Variants in FGF13 observed in about 807,000 individuals in gnomAD.
FGF13 encodes the protein fibroblast growth factor 13.
FGF13 carries 2 observed loss-of-function variants against 19.5 expected under a neutral mutation model. The ratio of observed to expected loss-of-function variants is 0.10; its 90% confidence interval spans 0.04 to 0.32. The LOEUF (loss-of-function observed/expected upper bound fraction) is 0.32, where lower values mean the gene tolerates loss of function less well. Among genes scored for constraint, FGF13 ranks in the 10% least tolerant of loss-of-function variants. The pLI, the probability that FGF13 is intolerant of heterozygous loss-of-function variation, is 1.00. For synonymous variants in FGF13, 72 were observed against 76.9 expected, an observed-to-expected ratio of 0.94 and a Z score of 0.33; for missense variants, 113 against 192.7, an observed-to-expected ratio of 0.59 and a Z score of 2.45.
At chrX:138,878,866 C>A (rs1423378587) in intron 1 of FGF13, among the ~76,000 whole-genome samples, 1 of 111,886 alleles carries the variant, frequency 8.9e-6, no homozygotes, top group Admixed American at 9.5e-5. Flanking sequence ...GATGGTATCT[C>A]ATTGTGGTTT....
chrX:138,644,540 A>G (rs779632773), intron 3 of FGF13, among the ~76,000 whole-genome samples: 1 of 111,290 alleles, frequency 9.0e-6, no homozygotes, highest in Non-Finnish European at 1.9e-5. Context: ...TTGGCCTCGC[A>G]AAGTGCTGGG....
chrX:138,900,254 G>C (rs115380066), intron 1 of FGF13, among the ~76,000 whole-genome samples: 8,048 of 110,695 alleles, frequency 0.073, 777 homozygotes, highest in African/African-American at 0.25. Flanking sequence ...CAGGGATCCA[G>C]ACAGGATCAT....
At chrX:139,177,537 T>C (rs777145120) in intron 1 of FGF13, among the ~76,000 whole-genome samples, 48 of 111,616 alleles carry the variant, frequency 4.3e-4, no homozygotes, top group Non-Finnish European at 8.1e-4. Flanking sequence ...TACAATTTGG[T>C]ATGTTTTTGC....
chrX:139,135,603 C>T (rs1456157718), intron 1 of FGF13, among the ~76,000 whole-genome samples: 2 of 111,649 alleles, frequency 1.8e-5, no homozygotes, highest in Admixed American at 1.9e-4. Context: ...ATGTGAGGCA[C>T]CTACTGAATT....
intron 1 of FGF13, among the ~76,000 whole-genome samples, chrX:139,033,027 C>CAAAAAAAAAAAAA (rs758766077): frequency 1.1e-4 from 3 of 27,271 alleles, no homozygotes; most frequent in African/African-American, 4.0e-4. Context: ...TCTGATTATC[C>CAAAAAAAAAAAAA]AAAAAAAAAA....
intron 1 of FGF13, among the ~76,000 whole-genome samples, chrX:139,015,994 T>G (rs1433341514): frequency 1.8e-5 from 2 of 111,477 alleles, no homozygotes; most frequent in African/African-American, 3.3e-5. Context: ...GCTGGAAAAC[T>G]GGATATCCAT....
chrX:139,092,421 CAGAGA>C (rs1454019723), intron 1 of FGF13, among the ~76,000 whole-genome samples: 1 of 112,252 alleles, frequency 8.9e-6, no homozygotes, highest in African/African-American at 3.2e-5. Flanking sequence ...TCTTTCTTGT[CAGAGA>C]AAAGTATCGA....
rs1220224329 is a variant in FGF13, at chrX:138,626,232, A to C, written c.*6618T>G. ...AAAGATTGCTCCTTTCCCAGACATC[A>C]CTTGCATACCAGGGGCTCTGCCCCT... On this transcript the variant is annotated 3_prime_UTR_variant, in exon 5 of 5. Transcript: ENST00000315930. 1.8e-5 allele frequency: 2 copies of C among 111,993 alleles called. No homozygotes were observed. The highest frequency in any genetic ancestry group is 9.5e-5 in the Admixed American group (1 of 10,566). 9.2% of individuals were successfully genotyped at this position (111,993 alleles called of 1,213,427 possible).
intron 1 of FGF13, among the ~76,000 whole-genome samples, chrX:139,094,860 C>T (rs62603180): frequency 0.098 from 10,899 of 111,435 alleles, 423 homozygotes; most frequent in South Asian, 0.21. Context: ...TACACAGTGA[C>T]GGGTCTGGAC....
chrX:139,172,150 C>T lies in FGF13; in HGVS notation c.-113+31266G>A, dbSNP rs111984602. On this transcript the variant is annotated intron_variant, in intron 1 of 2. Coordinates refer to the FGF13 transcript ENST00000421460. ...ATTTCTACTTTATTTGCATTAAATT[C>T]CCCGCTGCTCCATAAAATTCCCATA... 9.8e-3 allele frequency among the ~76,000 whole-genome samples: 1,094 copies of T among 111,793 alleles called. 12 individuals are homozygous for T. The highest frequency in any genetic ancestry group is 0.033 in the African/African-American group (1,023 of 30,841).
chrX:138,723,663 G>C (rs2090164997), intron 1 of FGF13, among the ~76,000 whole-genome samples: 1 of 111,460 alleles, frequency 9.0e-6, no homozygotes, highest in East Asian at 2.8e-4. Flanking sequence ...GGGAAAAAAA[G>C]GTCAACAGAA....
intron 1 of FGF13, among the ~76,000 whole-genome samples, chrX:138,895,223 T>C (rs116123394): frequency 0.078 from 8,742 of 111,926 alleles, 884 homozygotes; most frequent in African/African-American, 0.27. Context: ...TATGTATACA[T>C]GGTGTAATTA....
intron 1 of FGF13, among the ~76,000 whole-genome samples, chrX:139,027,059 A>G (rs962750529): frequency 1.8e-5 from 2 of 111,975 alleles, no homozygotes; most frequent in Non-Finnish European, 3.8e-5. Flanking sequence ...TGTCAAATGA[A>G]ATTACTCAGT....
chrX:138,854,880 T>A (rs1315567692), downstream of FGF13, among the ~76,000 whole-genome samples: 1 of 111,771 alleles, frequency 8.9e-6, no homozygotes, highest in Non-Finnish European at 1.9e-5. Flanking sequence ...ACAGCCAAGG[T>A]CAATTAAGGT....
chrX:139,145,362 A>T (rs1232783947), intron 1 of FGF13, among the ~76,000 whole-genome samples: 1 of 111,777 alleles, frequency 8.9e-6, no homozygotes, highest in Non-Finnish European at 1.9e-5. Context: ...CATTACCTTG[A>T]TTGTGGTGAT....
chrX:138,618,210 T>G lies in FGF13; in HGVS notation c.*14640A>C, dbSNP rs1234618825. The G allele has an allele frequency of 9.0e-6, 1 of 110,802 alleles. No individual in the cohort carries two copies. The highest frequency in any genetic ancestry group is 3.3e-5 in the African/African-American group (1 of 30,323). 9.1% of individuals were successfully genotyped at this position (110,802 alleles called of 1,213,427 possible). On this transcript the variant is annotated 3_prime_UTR_variant, in exon 5 of 5. Transcript: ENST00000315930. ...AAAACAATTACGAGAATAGGCACAT[T>G]GAAAAGAACCAGAAAATAGTTTCAC... is the stretch of plus-strand genomic sequence containing the variant.
chrX:138,696,042 C>T (rs1448799123), intron 3 of FGF13, among the ~76,000 whole-genome samples: 1 of 111,676 alleles, frequency 9.0e-6, no homozygotes, highest in Non-Finnish European at 1.9e-5. Context: ...CCAGTTGAGA[C>T]GTGAACAAAG....
rs754834885 is a variant in FGF13 at position 138,991,567 on chromosome X, T to C, written c.-112-126917A>G. Among the ~76,000 whole-genome samples, 3 of 112,047 alleles carry C rather than the reference T, an allele frequency of 2.7e-5. No homozygotes were observed. The East Asian group carries it at 8.5e-4, about 32-fold the overall frequency. ...TATATGACTCTATAGCTCTATTTTC[T>C]TGTAGAAAGTAAGTCAGATCTCTGA... On this transcript the variant is annotated intron_variant, in intron 1 of 2. Coordinates refer to the FGF13 transcript ENST00000421460.
intron 3 of FGF13, among the ~76,000 whole-genome samples, chrX:138,750,338 C>A (rs1399487712): frequency 8.9e-6 from 1 of 112,012 alleles, no homozygotes; most frequent in African/African-American, 3.2e-5. Context: ...TATTACAATG[C>A]TAAACTGTCA....
Sources: gnomAD v4.1 joint callset for allele counts (sites outside exome capture counted in the v4.1 genomes callset) on GRCh38, gnomAD v4.1.1 for gene constraint, MANE v1.5 for transcripts, NCBI Gene and HGNC (gene_info 2026-07-23, HGNC 2026-07-21) for gene names.